Variants in TSPAN18 observed in about 807,000 individuals in gnomAD.
TSPAN18 encodes tetraspanin-18.
In TSPAN18, 14 loss-of-function variants were observed where a neutral mutation model predicts 27.3. That is an observed-to-expected ratio of 0.51 (90% CI 0.34 to 0.80). TSPAN18 has a LOEUF of 0.80. Among genes scored for constraint, TSPAN18 ranks in the 30% least tolerant of loss-of-function variants. The probability of loss-of-function intolerance (pLI) is 0.01; values close to 1 mark genes in which losing one functional copy is unlikely to be tolerated. For synonymous variants in TSPAN18, 143 were observed against 136.5 expected, an observed-to-expected ratio of 1.05 and a Z score of -0.33; for missense variants, 268 against 323.9, an observed-to-expected ratio of 0.83 and a Z score of 1.32.
intron 2 of TSPAN18, among the ~76,000 whole-genome samples, chr11:44,800,006 G>GGTTTTTTTTTTTTTTTTTTTTT: frequency 9.1e-6 from 1 of 109,398 alleles, no homozygotes. Flanking sequence ...AATTTTTTGT[G>GGTTTTTTTTTTTTTTTTTTTTT]TTTTTTTTTT....
chr11:44,858,567 G>C (rs1857796608), intron 2 of TSPAN18, among the ~76,000 whole-genome samples: 1 of 152,216 alleles, frequency 6.6e-6, no homozygotes, highest in Non-Finnish European at 1.5e-5. Context: ...CTGCCTGTGG[G>C]TCCACAGATG....
At chr11:44,750,926 C>T (rs531500192) in intron 1 of TSPAN18, among the ~76,000 whole-genome samples, 1 of 152,344 alleles carries the variant, frequency 6.6e-6, no homozygotes, top group African/African-American at 2.4e-5. Flanking sequence ...TAGGCTGGGG[C>T]CCTTTCCAAC....
chr11:44,806,389 A>G (rs182012919), intron 2 of TSPAN18, among the ~76,000 whole-genome samples: 65 of 152,308 alleles, frequency 4.3e-4, no homozygotes, highest in African/African-American at 1.5e-3. Flanking sequence ...GTTCCTAACA[A>G]TTATTAGGTT....
intron 2 of TSPAN18, among the ~76,000 whole-genome samples, chr11:44,854,344 G>T (rs549747215): frequency 9.2e-5 from 14 of 152,224 alleles, no homozygotes; most frequent in African/African-American, 3.4e-4. Flanking sequence ...CCTAGGACTG[G>T]GGCTGTGCCA....
In TSPAN18 at chr11:44,904,763, G is replaced by A. The variant is rs76696617; in HGVS notation, c.-10-1644G>A. 4.1e-3 allele frequency among the ~76,000 whole-genome samples: 627 copies of A among 152,282 alleles called. 5 individuals are homozygous for A. Among genetic ancestry groups the A allele is most frequent in the African/African-American group, 0.014 (602 of 41,568 alleles). On this transcript the variant is annotated intron_variant, in intron 3 of 9. Transcript: ENST00000520358. ...CTGCTCCATCTGTTCCTTATGATAC[G>A]AGGGTGCTGGTCTGGCTGCTGAGGA...
In TSPAN18 at chr11:44,909,897, T is replaced by C; in HGVS notation, c.256T>C (p.Phe86Leu). 1 of 1,610,224 alleles carries C rather than the reference T, an allele frequency of 6.2e-7. No individual in the cohort carries two copies. Among genetic ancestry groups the C allele is most frequent in the Non-Finnish European group, 8.5e-7 (1 of 1,177,616 alleles). The change falls in exon 5 of 10, where the codon TTT (phenylalanine) becomes CTT (leucine). Residue 86 changes from phenylalanine to leucine, a missense_variant and splice_region_variant. By Grantham distance (22) the Phe-to-Leu change is conservative. Coordinates refer to ENST00000520358, the MANE Select transcript of TSPAN18 (RefSeq NM_130783.5). ...CCGTGAGAACAAGTGTCTGCTGCTA[T>C]TTGTGAGTACCCCAGCCCCCACCCC... The part of the protein sequence containing the change: ...AVRENKCLLL[F>L]FFLFILIIFL...
chr11:44,885,879 T>G (rs1280529173), intron 3 of TSPAN18: 1 of 152,238 alleles, frequency 6.6e-6, no homozygotes, highest in East Asian at 1.9e-4. Flanking sequence ...GTGACTAGAA[T>G]CAATTGCAGT....
intron 3 of TSPAN18, among the ~76,000 whole-genome samples, chr11:44,883,767 C>T (rs1858559327): frequency 1.3e-5 from 2 of 152,212 alleles, no homozygotes; most frequent in Admixed American, 1.3e-4. Context: ...AGCTTTGGGA[C>T]TTGGACACCT....
chr11:44,790,350 T>G, intron 2 of TSPAN18, among the ~76,000 whole-genome samples: 1 of 148,850 alleles, frequency 6.7e-6, no homozygotes, highest in Non-Finnish European at 1.5e-5. Flanking sequence ...CATGTGTTGG[T>G]GTGTGTGGGT....
chr11:44,925,449 T>G (rs532407695), intron 8 of TSPAN18, among the ~76,000 whole-genome samples: 83 of 152,324 alleles, frequency 5.4e-4, no homozygotes, highest in African/African-American at 2.0e-3. Flanking sequence ...GGGACTTCCC[T>G]GCCCAGCTCC....
chr11:44,831,470 C>A (rs1743495770), intron 2 of TSPAN18, among the ~76,000 whole-genome samples: 1 of 152,190 alleles, frequency 6.6e-6, no homozygotes, highest in Non-Finnish European at 1.5e-5. Flanking sequence ...CCCTCACAAG[C>A]CCCAGGGGAA....
intron 3 of TSPAN18, chr11:44,903,660 CT>C: frequency 2.2e-6 from 1 of 456,508 alleles, no homozygotes; most frequent in Non-Finnish European, 4.4e-6. Context: ...TCAGAGACCC[CT>C]GTGATAGAGA....
intron 1 of TSPAN18, among the ~76,000 whole-genome samples, chr11:44,755,614 C>A (rs187296487): frequency 1.3e-5 from 2 of 152,060 alleles, no homozygotes; most frequent in African/African-American, 4.8e-5. Context: ...CACCAACCCC[C>A]TATGTAGCTA....
chr11:44,847,577 A>G (rs1857510828), intron 2 of TSPAN18, among the ~76,000 whole-genome samples: 1 of 152,178 alleles, frequency 6.6e-6, no homozygotes, highest in Non-Finnish European at 1.5e-5. Context: ...TACTATAAAT[A>G]ATGCTGCTAT....
chr11:44,844,038 G>C (rs1857430226), intron 2 of TSPAN18, among the ~76,000 whole-genome samples: 1 of 152,210 alleles, frequency 6.6e-6, no homozygotes, highest in South Asian at 2.1e-4. Flanking sequence ...GTATTGATTG[G>C]GGAAGTGATA....
intron 8 of TSPAN18, among the ~76,000 whole-genome samples, chr11:44,926,005 G>A (rs188124367): frequency 1.3e-5 from 2 of 152,248 alleles, no homozygotes; most frequent in East Asian, 1.9e-4. Flanking sequence ...CTCAGTTTAT[G>A]TATCTCTAGG....
intron 3 of TSPAN18, among the ~76,000 whole-genome samples, chr11:44,894,998 G>A (rs886709634): frequency 4.6e-5 from 7 of 152,164 alleles, no homozygotes; most frequent in African/African-American, 1.4e-4. Context: ...CCCTGCCCAC[G>A]CTTCAGTTTC....
chr11:44,899,877 A>G (rs1016913732), intron 3 of TSPAN18, among the ~76,000 whole-genome samples: 2 of 152,156 alleles, frequency 1.3e-5, no homozygotes, highest in African/African-American at 4.8e-5. Flanking sequence ...GGAGACTTTG[A>G]TGGGCCTCCC....
chr11:44,768,427 A>G (rs906446588), intron 2 of TSPAN18, among the ~76,000 whole-genome samples: 2 of 152,192 alleles, frequency 1.3e-5, no homozygotes, highest in Admixed American at 6.5e-5. Context: ...TAGGAAAGCA[A>G]TGACTTTTCT....
Sources: gnomAD v4.1 joint callset for allele counts (sites outside exome capture counted in the v4.1 genomes callset) on GRCh38, gnomAD v4.1.1 for gene constraint, MANE v1.5 for transcripts, NCBI Gene and HGNC (gene_info 2026-07-23, HGNC 2026-07-21) for gene names.